Variants in SUCO observed in about 807,000 individuals in gnomAD.
SUCO encodes the protein SUN domain-containing ossification factor.
Under a neutral mutation model 148.1 loss-of-function variants are expected in SUCO, and 57 were observed. The observed-to-expected ratio is 0.38, with a 90% CI of 0.31 to 0.48. The LOEUF (loss-of-function observed/expected upper bound fraction) is 0.48. Among genes scored for constraint, SUCO ranks in the 20% least tolerant of loss-of-function variants. The pLI, the probability that SUCO is intolerant of heterozygous loss-of-function variation, is 0.96. For missense variants in SUCO, 1,331 were observed against 1,468.2 expected (o/e 0.91, Z 1.53); for synonymous variants, 470 against 502.7 (o/e 0.93, Z 0.87).
chr1:172,581,210 A>G (rs145929602), intron 15 of SUCO, among the ~76,000 whole-genome samples: 2 of 152,322 alleles, frequency 1.3e-5, no homozygotes, highest in African/African-American at 2.4e-5. Flanking sequence ...TAGACATAGA[A>G]TCTTGTTTAG....
At chr1:172,559,916 C>T (rs1654022324) in intron 6 of SUCO, among the ~76,000 whole-genome samples, 2 of 152,140 alleles carry the variant, frequency 1.3e-5, no homozygotes, top group South Asian at 4.1e-4. Flanking sequence ...AGACCCGCCT[C>T]CAGAATTGAA....
At chr1:172,575,420 C>A (rs1655360891) in intron 10 of SUCO, 98 bp from the exon 11 acceptor site, 3 of 797,886 alleles carry the variant, frequency 3.8e-6, no homozygotes, top group Admixed American at 2.8e-5. Flanking sequence ...AGCGTGTTCA[C>A]CTGGAAAGGA....
rs765474725 is a variant in SUCO, at chr1:172,568,516, T to G, written c.733-503T>G. 7 of 865,270 alleles carry G rather than the reference T, an allele frequency of 8.1e-6. No homozygotes were observed. The Admixed American group carries it at 1.9e-4, about 23-fold the overall frequency. 53.6% of individuals were successfully genotyped at this position (865,270 alleles called of 1,614,324 possible). A position where few individuals can be genotyped will look rare whatever the true frequency, so the allele number is the denominator to read the frequency against. ...CATGATTTATAAAGATTTTTAAATTTTCTTCTAAAATGTAAAGTTTTGTTT... is the reference window on the plus strand; with the variant it reads ...CATGATTTATAAAGATTTTTAAATTGTCTTCTAAAATGTAAAGTTTTGTTT... On this transcript the variant is annotated intron_variant, in intron 6 of 23. Transcript: ENST00000263688.
chr1:172,567,157 T>C (rs917555418), intron 6 of SUCO, among the ~76,000 whole-genome samples: 1 of 152,206 alleles, frequency 6.6e-6, no homozygotes. Context: ...TCCCAGAAGT[T>C]ATGGATATTT....
At chr1:172,599,975 A>T in intron 19 of SUCO, 89 bp from the exon 20 acceptor site, 2 of 877,846 alleles carry the variant, frequency 2.3e-6, no homozygotes, top group South Asian at 2.0e-5. Flanking sequence ...GGAATAACTT[A>T]ATGGTTTTTT....
chr1:172,610,016 A>G lies in SUCO; in HGVS notation c.3522A>G (p.Glu1174=), dbSNP rs766743212. ...GCTCAGAAACTTCATCACAGTCAGA[A>G]GAGTCCTATTTTTGTGGCATTTCAG... The part of the protein sequence containing the change: ...EGSSETSSQS[E]ESYFCGISAC... Residue 1174 remains glutamate (E), a synonymous_variant, in exon 24 of 24, where the codon GAA becomes GAG. Coordinates refer to ENST00000263688, the MANE Select transcript of SUCO (RefSeq NM_014283.5). 6 of 1,614,010 alleles carry G rather than the reference A, an allele frequency of 3.7e-6. No individual in the cohort carries two copies. In the South Asian group the frequency reaches 6.6e-5, roughly 18 times the overall value.
At chr1:172,579,157 G>T in intron 14 of SUCO, 45 bp from the exon 15 acceptor site, 1 of 1,064,666 alleles carries the variant, frequency 9.4e-7, no homozygotes, top group South Asian at 1.3e-5. Context: ...TGTTACCATT[G>T]GAGCTAGATC....
At chr1:172,568,402 G>A (rs942025823) in intron 6 of SUCO, 1 of 974,078 alleles carries the variant, frequency 1.0e-6, no homozygotes, top group Non-Finnish European at 1.2e-6. Context: ...TTCTCTCAGT[G>A]TGTGACTTAT....
At chr1:172,598,462 G>T (rs1220042036) in intron 19 of SUCO, among the ~76,000 whole-genome samples, 1 of 152,158 alleles carries the variant, frequency 6.6e-6, no homozygotes, top group African/African-American at 2.4e-5. Context: ...GGCTCAGCTT[G>T]TTAATCTCTA....
At chr1:172,577,147 A>G in intron 11 of SUCO, 15 of 288,004 alleles carry the variant, frequency 5.2e-5, no homozygotes, top group Middle Eastern at 1.8e-3. Context: ...ATCAATATAT[A>G]AATTCATATA....
intron 2 of SUCO, 96 bp from the exon 3 acceptor site, chr1:172,553,164 G>A: frequency 7.7e-7 from 1 of 1,304,554 alleles, no homozygotes; most frequent in Non-Finnish European, 1.0e-6. Flanking sequence ...GCAGTTTTTT[G>A]GTTTTAAAGT....
At position 172,557,700 on chromosome 1, in the gene SUCO, C is replaced by G. The variant is rs759450157; in HGVS notation, c.638C>G (p.Thr213Arg). 6.2e-7 allele frequency: 1 copy of G among 1,612,998 alleles called. No individual in the cohort carries two copies. The highest frequency in any genetic ancestry group is 1.7e-5 in the Admixed American group (1 of 59,742). ...VSSSHGKGKI[T>R]KSEFESKVSA... The stretch of plus-strand genomic sequence containing the variant: ...TCTTCACATGGTAAAGGAAAGATAA[C>G]AAAATCAGAATTTGAATCAAAAGTT... Residue 213 changes from threonine to arginine, a missense_variant, in exon 6 of 24, where the codon ACA becomes AGA. Coordinates refer to ENST00000263688, the MANE Select transcript of SUCO (RefSeq NM_014283.5).
chr1:172,572,511 T>C (rs1315483942), intron 9 of SUCO, among the ~76,000 whole-genome samples: 2 of 151,560 alleles, frequency 1.3e-5, no homozygotes, highest in African/African-American at 4.9e-5. Context: ...GCATGCTCAT[T>C]AAGAGTCATC....
chr1:172,570,832 T>G, intron 9 of SUCO, 102 bp downstream of exon 9: 1 of 749,086 alleles, frequency 1.3e-6, no homozygotes, highest in Admixed American at 2.6e-5. Context: ...TTTAATAAGC[T>G]TTTATGATTG....
At chr1:172,544,778 C>A (rs527440372) in intron 1 of SUCO, among the ~76,000 whole-genome samples, 1 of 152,110 alleles carries the variant, frequency 6.6e-6, no homozygotes, top group African/African-American at 2.4e-5. Flanking sequence ...TTTTAAATAG[C>A]ATGTGGAGAG....
At chr1:172,590,234 T>G in intron 18 of SUCO, 1 of 697,772 alleles carries the variant, frequency 1.4e-6, no homozygotes, top group Non-Finnish European at 1.8e-6. Flanking sequence ...CTTTTTCTGC[T>G]TGATTCCCAG....
In SUCO at chr1:172,597,615, T is replaced by C. The variant is rs529930130; in HGVS notation, c.2914-2449T>C. On this transcript the variant is annotated intron_variant, in intron 19 of 23. Coordinates refer to ENST00000263688, the MANE Select transcript of SUCO (RefSeq NM_014283.5). ...GATCGTCATACCTTTTTTTTCCCCC[T>C]ATCTCTTGGCTAGAGCCATATAGTG... Among the ~76,000 whole-genome samples the C allele has an allele frequency of 1.0e-3, 159 of 152,210 alleles. 1 individual carries two copies. The highest frequency in any genetic ancestry group is 3.4e-3 in the African/African-American group (141 of 41,476).
At chr1:172,588,148 T>G (rs1007312054) in intron 17 of SUCO, 15 of 985,148 alleles carry the variant, frequency 1.5e-5, no homozygotes, top group South Asian at 1.4e-4. Context: ...GTCCTTAAAG[T>G]AGATAATCCT....
chr1:172,593,953 G>A (rs12749215), intron 19 of SUCO, among the ~76,000 whole-genome samples: 1 of 152,066 alleles, frequency 6.6e-6, no homozygotes, highest in Non-Finnish European at 1.5e-5. Flanking sequence ...CAATTTCAGA[G>A]CCTGTTATTG....
Sources: gnomAD v4.1 joint callset for allele counts (sites outside exome capture counted in the v4.1 genomes callset) on GRCh38, gnomAD v4.1.1 for gene constraint, MANE v1.5 for transcripts, NCBI Gene and HGNC (gene_info 2026-07-23, HGNC 2026-07-21) for gene names.